Variants in GPATCH2 observed in about 807,000 individuals in gnomAD.
The protein encoded by GPATCH2 is G patch domain-containing protein 2.
A neutral mutation model predicts 58.0 loss-of-function variants in GPATCH2; 51 were observed. That is an observed-to-expected ratio of 0.88 (90% CI 0.70 to 1.11). The LOEUF (loss-of-function observed/expected upper bound fraction) is 1.11, where lower values mean the gene tolerates loss of function less well. Among genes scored for constraint, GPATCH2 ranks in the 50% most tolerant of loss-of-function variants. The probability of loss-of-function intolerance (pLI) is 0.00; values close to 1 mark genes in which losing one functional copy is unlikely to be tolerated. For missense variants in GPATCH2, 625 were observed against 652.2 expected, an observed-to-expected ratio of 0.96 and a Z score of 0.45; for synonymous variants, 222 against 218.5, an observed-to-expected ratio of 1.02 and a Z score of -0.14.
At position 217,611,075 on chromosome 1, in the gene GPATCH2, T is replaced by C. The variant is rs376473631; in HGVS notation, c.836-4A>G. ...CAGTCACTCTGTTCATCATCACCTG[T>C]GCAAATACAAGAAACCCCCCCCCAC... On this transcript the variant is annotated splice_polypyrimidine_tract_variant and splice_region_variant and intron_variant, in intron 3 of 9. Transcript: ENST00000366935. The C allele has an allele frequency of 1.7e-5, 27 of 1,605,966 alleles. No homozygotes were observed. Among genetic ancestry groups the C allele is most frequent in the Non-Finnish European group, 2.3e-5 (27 of 1,176,364 alleles).
chr1:217,554,018 C>T (rs1665493018), intron 5 of GPATCH2, among the ~76,000 whole-genome samples: 1 of 152,148 alleles, frequency 6.6e-6, no homozygotes, highest in Non-Finnish European at 1.5e-5. Flanking sequence ...CAGATGGGAC[C>T]AACTGGACGC....
chr1:217,629,906 T>C (rs1482671040), intron 1 of GPATCH2, among the ~76,000 whole-genome samples: 6 of 152,204 alleles, frequency 3.9e-5, no homozygotes, highest in African/African-American at 4.8e-5. Context: ...TTTTCAGTGA[T>C]AGGTGATGGA....
intron 5 of GPATCH2, among the ~76,000 whole-genome samples, chr1:217,524,757 A>T (rs1437804918): frequency 3.4e-5 from 5 of 148,144 alleles, no homozygotes; most frequent in African/African-American, 1.2e-4. Flanking sequence ...GGCACTCGGC[A>T]GGCTTAGGCA....
chr1:217,481,112 T>C (rs1024871881), intron 8 of GPATCH2, among the ~76,000 whole-genome samples: 1 of 152,138 alleles, frequency 6.6e-6, no homozygotes, highest in African/African-American at 2.4e-5. Context: ...CAAGTGACTA[T>C]AGTCAATAAT....
chr1:217,523,537 G>A (rs559905217), intron 5 of GPATCH2, among the ~76,000 whole-genome samples: 1 of 151,648 alleles, frequency 6.6e-6, no homozygotes, highest in Non-Finnish European at 1.5e-5. Context: ...ATTTTTCTTA[G>A]TACAGAACAA....
At chr1:217,457,173 T>C (rs377638228) in intron 8 of GPATCH2, among the ~76,000 whole-genome samples, 1 of 152,178 alleles carries the variant, frequency 6.6e-6, no homozygotes, top group South Asian at 2.1e-4. Context: ...GTGGTGTAAA[T>C]TGAAGCTTTA....
intron 9 of GPATCH2, among the ~76,000 whole-genome samples, chr1:217,435,682 T>C (rs1304215992): frequency 3.3e-5 from 5 of 152,172 alleles, no homozygotes; most frequent in Non-Finnish European, 7.3e-5. Context: ...TCATTATTAT[T>C]AGGAACATTA....
At chr1:217,456,407 G>A (rs1659945186) in intron 8 of GPATCH2, among the ~76,000 whole-genome samples, 1 of 152,184 alleles carries the variant, frequency 6.6e-6, no homozygotes, top group South Asian at 2.1e-4. Flanking sequence ...CCTCCTGCGA[G>A]GGGTGACAGG....
intron 7 of GPATCH2, among the ~76,000 whole-genome samples, chr1:217,492,137 T>C (rs759651229): frequency 6.6e-6 from 1 of 152,114 alleles, no homozygotes; most frequent in African/African-American, 2.4e-5. Flanking sequence ...TAATGCAACC[T>C]CTCTTGTCAA....
At chr1:217,514,520 G>C (rs992166048) in intron 6 of GPATCH2, among the ~76,000 whole-genome samples, 1 of 152,142 alleles carries the variant, frequency 6.6e-6, no homozygotes, top group Non-Finnish European at 1.5e-5. Context: ...GGAGGAGTAC[G>C]AAAGCTTGAT....
intron 7 of GPATCH2, among the ~76,000 whole-genome samples, chr1:217,493,363 TAAATTATA>T (rs1028737868): frequency 2.6e-5 from 4 of 152,184 alleles, no homozygotes; most frequent in African/African-American, 4.8e-5. Context: ...TTCTTTCTTC[TAAATTATA>T]TATCCTAGCC....
intron 8 of GPATCH2, among the ~76,000 whole-genome samples, chr1:217,480,909 A>T (rs1429990244): frequency 6.6e-6 from 1 of 152,182 alleles, no homozygotes; most frequent in Non-Finnish European, 1.5e-5. Flanking sequence ...CAAAACCACA[A>T]TGAGATATTA....
At chr1:217,552,049 A>G (rs1665388666) in intron 5 of GPATCH2, among the ~76,000 whole-genome samples, 1 of 152,130 alleles carries the variant, frequency 6.6e-6, no homozygotes, top group African/African-American at 2.4e-5. Context: ...GCAATTACCT[A>G]TCAGTTACTA....
chr1:217,460,185 G>A (rs1660141705), intron 8 of GPATCH2, among the ~76,000 whole-genome samples: 1 of 152,090 alleles, frequency 6.6e-6, no homozygotes, highest in South Asian at 2.1e-4. Flanking sequence ...GGAATCTGAA[G>A]TCCAGAACTG....
intron 1 of GPATCH2, 115 bp downstream of exon 1, chr1:217,630,801 T>A: frequency 6.9e-6 from 5 of 726,750 alleles, no homozygotes; most frequent in Non-Finnish European, 1.1e-5. Context: ...AAGGCCTAGA[T>A]GTCTTCAGAT....
chr1:217,508,351 G>A (rs1224407811), intron 6 of GPATCH2, among the ~76,000 whole-genome samples: 1 of 152,106 alleles, frequency 6.6e-6, no homozygotes, highest in Non-Finnish European at 1.5e-5. Flanking sequence ...AAAATAAGGG[G>A]TGAGTATTTG....
chr1:217,565,784 G>A (rs1308248276), intron 5 of GPATCH2, among the ~76,000 whole-genome samples: 2 of 151,984 alleles, frequency 1.3e-5, no homozygotes, highest in African/African-American at 2.4e-5. Flanking sequence ...TTTTCTGTGC[G>A]ATCCAACCTA....
intron 5 of GPATCH2, among the ~76,000 whole-genome samples, chr1:217,599,668 C>T (rs996430082): frequency 6.6e-6 from 1 of 152,168 alleles, no homozygotes; most frequent in South Asian, 2.1e-4. Context: ...ACAATGAAGA[C>T]ATCCTAAGTC....
At chr1:217,535,844 C>CA (rs1456802961) in intron 5 of GPATCH2, among the ~76,000 whole-genome samples, 1 of 152,168 alleles carries the variant, frequency 6.6e-6, no homozygotes, top group Non-Finnish European at 1.5e-5. Context: ...CAAACTCTGG[C>CA]AATAGTTCCA....
Sources: allele counts gnomAD v4.1 joint callset (sites outside exome capture counted in the v4.1 genomes callset), GRCh38; gene constraint gnomAD v4.1.1; transcripts MANE v1.5; gene names NCBI Gene and HGNC (gene_info 2026-07-23, HGNC 2026-07-21).